PRELID2: variants seen among roughly 807,000 people sequenced by gnomAD.
PRELID2 encodes PRELI domain containing 2.
A neutral mutation model predicts 28.4 loss-of-function variants in PRELID2; 25 were observed. The observed-to-expected ratio is 0.88, with a 90% CI of 0.64 to 1.23. PRELID2 has a LOEUF of 1.23. Among genes scored for constraint, PRELID2 ranks in the 50% most tolerant of loss-of-function variants. The pLI, the probability that PRELID2 is intolerant of heterozygous loss-of-function variation, is 0.00. For missense variants in PRELID2, 201 were observed against 214.4 expected, an observed-to-expected ratio of 0.94 and a Z score of 0.39; for synonymous variants, 76 against 71.6, an observed-to-expected ratio of 1.06 and a Z score of -0.31.
At chr5:145,828,130 T>C (rs1378910676) in intron 1 of PRELID2, among the ~76,000 whole-genome samples, 1 of 152,198 alleles carries the variant, frequency 6.6e-6, no homozygotes, top group Non-Finnish European at 1.5e-5. Flanking sequence ...AGATCTGAAT[T>C]GGAATCCTAT....
intron 1 of PRELID2, among the ~76,000 whole-genome samples, chr5:145,701,020 G>A (rs1457809442): frequency 6.6e-6 from 1 of 152,252 alleles, no homozygotes; most frequent in Non-Finnish European, 1.5e-5. Context: ...GAGGACAGCA[G>A]ATGGTCAAGT....
At chr5:145,746,784 T>C (rs1218610681) in intron 1 of PRELID2, among the ~76,000 whole-genome samples, 1 of 152,112 alleles carries the variant, frequency 6.6e-6, no homozygotes, top group African/African-American at 2.4e-5. Context: ...TAATTGGAAG[T>C]AAAAAACTCC....
chr5:145,353,468 AAAAAG>A, the PRELID2 span, among the ~76,000 whole-genome samples: 3 of 151,872 alleles, frequency 2.0e-5, no homozygotes, highest in Admixed American at 6.6e-5. Context: ...ATCTCAAAAA[AAAAAG>A]AAAAGAAAAG....
At chr5:145,475,417 A>G (rs1580950759) in intron 1 of PRELID2, among the ~76,000 whole-genome samples, 1 of 152,228 alleles carries the variant, frequency 6.6e-6, no homozygotes, top group Non-Finnish European at 1.5e-5. Context: ...AGCAGCCTAA[A>G]CATCCACTGT....
intron 5 of PRELID2, among the ~76,000 whole-genome samples, chr5:145,787,577 G>A (rs1004026295): frequency 6.6e-6 from 1 of 150,430 alleles, no homozygotes; most frequent in African/African-American, 2.5e-5. Flanking sequence ...GGGTCTCACT[G>A]TCACCCAGGC....
intron 4 of PRELID2, among the ~76,000 whole-genome samples, chr5:145,802,042 T>C (rs1227509419): frequency 6.6e-6 from 1 of 152,334 alleles, no homozygotes; most frequent in East Asian, 1.9e-4. Context: ...ACACTGATCA[T>C]GTCACTGCCT....
At chr5:145,648,143 C>T (rs191432967) in intron 1 of PRELID2, among the ~76,000 whole-genome samples, 7 of 152,200 alleles carry the variant, frequency 4.6e-5, no homozygotes, top group Non-Finnish European at 1.0e-4. Flanking sequence ...GATGTGTATA[C>T]CTTTTAGTTC....
At chr5:145,230,815 G>A in the PRELID2 span, among the ~76,000 whole-genome samples, 2 of 152,170 alleles carry the variant, frequency 1.3e-5, no homozygotes, top group African/African-American at 2.4e-5. Context: ...CTGAAAGCTT[G>A]AATTGAGCTG....
chr5:145,629,297 T>G (rs1234014487), intron 1 of PRELID2, among the ~76,000 whole-genome samples: 3 of 152,232 alleles, frequency 2.0e-5, no homozygotes, highest in Non-Finnish European at 4.4e-5. Flanking sequence ...TAGCCTGGTG[T>G]GCACATCTGC....
At chr5:145,421,749 A>T in the PRELID2 span, among the ~76,000 whole-genome samples, 40,159 of 119,310 alleles carry the variant, frequency 0.34, 7,142 homozygotes, top group Admixed American at 0.39. Context: ...CTGCTCTGAT[A>T]TTAGTTATTT....
At chr5:145,698,498 C>G (rs1007237743) in intron 1 of PRELID2, among the ~76,000 whole-genome samples, 2 of 152,130 alleles carry the variant, frequency 1.3e-5, no homozygotes, top group East Asian at 1.9e-4. Context: ...TCTTATTTCT[C>G]ACAGTGCTGG....
chr5:145,423,378 A>T, the PRELID2 span, among the ~76,000 whole-genome samples: 2 of 152,046 alleles, frequency 1.3e-5, no homozygotes, highest in Non-Finnish European at 2.9e-5. Flanking sequence ...TACACCAATC[A>T]GGCATAGATT....
At chr5:145,336,945 C>A in the PRELID2 span, among the ~76,000 whole-genome samples, 1 of 121,296 alleles carries the variant, frequency 8.2e-6, no homozygotes, top group Admixed American at 1.2e-4. Context: ...GGGAACATCA[C>A]ACTCTGGGGA....
intron 4 of PRELID2, among the ~76,000 whole-genome samples, chr5:145,799,242 AC>A (rs765838530): frequency 0.014 from 2,104 of 146,476 alleles, 36 homozygotes; most frequent in African/African-American, 0.031. Flanking sequence ...AAAAAAAAAA[AC>A]CTACAAGACA....
intron 1 of PRELID2, among the ~76,000 whole-genome samples, chr5:145,533,750 A>G (rs1752674102): frequency 6.6e-6 from 1 of 152,066 alleles, no homozygotes; most frequent in African/African-American, 2.4e-5. Flanking sequence ...TAACATAGTG[A>G]CAGATTCAGT....
chr5:145,660,350 G>A lies in PRELID2; in HGVS notation n.70+104581C>T, dbSNP rs142158301. The stretch of plus-strand genomic sequence containing the variant: ...TTCTAGCTCGATGCTCCAAATTGTC[G>A]CAATCCAGCCCAAGGCAGGACCACA... On this transcript the variant is annotated intron_variant and non_coding_transcript_variant, in intron 1 of 2. Coordinates refer to the PRELID2 transcript ENST00000510259. Among the ~76,000 whole-genome samples the A allele has an allele frequency of 8.8e-3, 1,334 of 152,120 alleles. 6 individuals are homozygous for A. The highest frequency in any genetic ancestry group is 0.044 in the Middle Eastern group (13 of 294).
chr5:145,550,536 T>G (rs1197797258), intron 1 of PRELID2, among the ~76,000 whole-genome samples: 9 of 152,194 alleles, frequency 5.9e-5, no homozygotes, highest in Admixed American at 2.6e-4. Flanking sequence ...ATTGTGCCAC[T>G]GCCCTCTAAC....
At chr5:145,822,848 G>C (rs1047816319) in intron 2 of PRELID2, among the ~76,000 whole-genome samples, 9 of 152,064 alleles carry the variant, frequency 5.9e-5, no homozygotes, top group Non-Finnish European at 1.2e-4. Context: ...GTGACAAAAA[G>C]CATCAGCAGG....
At chr5:145,445,671 C>A in the PRELID2 span, among the ~76,000 whole-genome samples, 1 of 151,738 alleles carries the variant, frequency 6.6e-6, no homozygotes, top group Non-Finnish European at 1.5e-5. Context: ...AGCAACTCAA[C>A]AGCAAAAAAA....
Sources: gnomAD v4.1 joint callset for allele counts (sites outside exome capture counted in the v4.1 genomes callset) on GRCh38, gnomAD v4.1.1 for gene constraint, MANE v1.5 for transcripts, NCBI Gene and HGNC (gene_info 2026-07-23, HGNC 2026-07-21) for gene names.